GRID2: variants seen among roughly 807,000 people sequenced by gnomAD.
GRID2 encodes the protein glutamate ionotropic receptor delta type subunit 2.
Under a neutral mutation model 114.8 loss-of-function variants are expected in GRID2, and 33 were observed. That is an observed-to-expected ratio of 0.29 (90% CI 0.22 to 0.38). The LOEUF (loss-of-function observed/expected upper bound fraction) is 0.38, where lower values mean the gene tolerates loss of function less well. Ranked by LOEUF, GRID2 falls within the 10% of genes least tolerant of loss-of-function variation. The pLI, the probability that GRID2 is intolerant of heterozygous loss-of-function variation, is 1.00. For synonymous variants in GRID2, 505 were observed against 449.9 expected (o/e 1.12, Z -1.55); for missense variants, 1,184 against 1,257.7 (o/e 0.94, Z 0.89).
At position 92,601,946 on chromosome 4, in the gene GRID2, C is replaced by T. The variant is rs569330053; in HGVS notation, c.244+11660C>T. 4.0e-5 allele frequency among the ~76,000 whole-genome samples: 6 copies of T among 151,706 alleles called. No individual in the cohort carries two copies. In the South Asian group the frequency reaches 8.3e-4, roughly 21 times the overall value. ...ATAAATTCCTGGACACATACCCCCT[C>T]GCAAGACTGAACCAGGAAGAAGTTG... On this transcript the variant is annotated intron_variant, in intron 2 of 15. Coordinates refer to ENST00000282020, the MANE Select transcript of GRID2 (RefSeq NM_001510.4).
chr4:93,750,523 A>G (rs950183977), intron 14 of GRID2, among the ~76,000 whole-genome samples: 4 of 152,148 alleles, frequency 2.6e-5, no homozygotes, highest in East Asian at 1.9e-4. Context: ...TAATCCCAGC[A>G]CTTTGGGAGG....
chr4:93,455,918 C>G lies in GRID2; in HGVS notation c.1802C>G (p.Thr601Arg), dbSNP rs754149861. The G allele has an allele frequency of 1.2e-6, 2 of 1,611,060 alleles. No individual in the cohort carries two copies. Among genetic ancestry groups the G allele is most frequent in the Non-Finnish European group, 1.7e-6 (2 of 1,177,340 alleles). Residue 601 changes from threonine (T) to arginine (R), a missense_variant, in exon 11 of 16, where the codon ACG becomes AGG. Transcript: ENST00000282020. ...CCACGATTACAAATGGGATCAATGA[C>G]GTCTACTACTCTCTACAACTCCATG... ...NPPRLQMGSM[T>R]STTLYNSMWF...
chr4:92,632,000 G>A (rs1435220115), intron 2 of GRID2, among the ~76,000 whole-genome samples: 1 of 152,064 alleles, frequency 6.6e-6, no homozygotes, highest in African/African-American at 2.4e-5. Context: ...AAGGCTGAAA[G>A]GTTCTCAGTT....
intron 2 of GRID2, among the ~76,000 whole-genome samples, chr4:92,821,713 A>G (rs920026195): frequency 3.3e-5 from 5 of 152,126 alleles, no homozygotes; most frequent in African/African-American, 1.2e-4. Flanking sequence ...CATAAAAGCT[A>G]TTTTAAGTAA....
intron 2 of GRID2, among the ~76,000 whole-genome samples, chr4:92,950,722 A>AT (rs1290464477): frequency 3.9e-5 from 6 of 152,170 alleles, no homozygotes; most frequent in Non-Finnish European, 7.4e-5. Context: ...TTTACTTTCC[A>AT]TTATTTATAT....
chr4:93,028,300 C>G (rs778054798), intron 2 of GRID2, among the ~76,000 whole-genome samples: 1 of 152,016 alleles, frequency 6.6e-6, no homozygotes, highest in Non-Finnish European at 1.5e-5. Flanking sequence ...AGAACAGTAA[C>G]TTGAATGAAT....
At chr4:93,149,801 T>C (rs1736580613) in intron 4 of GRID2, among the ~76,000 whole-genome samples, 1 of 151,858 alleles carries the variant, frequency 6.6e-6, no homozygotes, top group African/African-American at 2.4e-5. Flanking sequence ...ACCTGGCTAA[T>C]TTTTTAATTT....
intron 7 of GRID2, among the ~76,000 whole-genome samples, chr4:93,237,699 C>T (rs937678145): frequency 5.9e-5 from 9 of 151,740 alleles, no homozygotes; most frequent in Non-Finnish European, 1.2e-4. Context: ...AGAAGTATGA[C>T]CTACATTGCC....
At chr4:93,516,828 TA>T (rs35336425) in intron 13 of GRID2, among the ~76,000 whole-genome samples, 1 of 152,136 alleles carries the variant, frequency 6.6e-6, no homozygotes, top group Non-Finnish European at 1.5e-5. Context: ...TATCATCTGT[TA>T]AAAATGAATT....
At chr4:92,913,764 A>G (rs1332330950) in intron 2 of GRID2, among the ~76,000 whole-genome samples, 1 of 151,906 alleles carries the variant, frequency 6.6e-6, no homozygotes, top group African/African-American at 2.4e-5. Context: ...AAAGAAGTAT[A>G]AAACGAAGAA....
chr4:93,304,962 G>A (rs757881478), intron 8 of GRID2, among the ~76,000 whole-genome samples: 21 of 152,248 alleles, frequency 1.4e-4, no homozygotes, highest in African/African-American at 4.1e-4. Flanking sequence ...AGATTTCTTT[G>A]TTGTTCTGCT....
At chr4:93,635,931 ACT>A (rs1211251032) in intron 14 of GRID2, among the ~76,000 whole-genome samples, 8 of 152,088 alleles carry the variant, frequency 5.3e-5, no homozygotes, top group Non-Finnish European at 1.2e-4. Flanking sequence ...ATAAACCTTT[ACT>A]CTCAAGAAGC....
intron 1 of GRID2, among the ~76,000 whole-genome samples, chr4:93,782,232 T>C (rs1239111684): frequency 6.6e-6 from 1 of 151,952 alleles, no homozygotes; most frequent in Non-Finnish European, 1.5e-5. Context: ...TGATTTAGAC[T>C]CACTAGAACC....
At chr4:92,497,700 C>G (rs1266654401) in intron 1 of GRID2, among the ~76,000 whole-genome samples, 3 of 151,956 alleles carry the variant, frequency 2.0e-5, no homozygotes, top group Non-Finnish European at 4.4e-5. Context: ...TGCAGATCAT[C>G]ACTAATTATT....
At chr4:93,663,363 C>A (rs1723668467) in intron 14 of GRID2, among the ~76,000 whole-genome samples, 1 of 152,118 alleles carries the variant, frequency 6.6e-6, no homozygotes, top group Non-Finnish European at 1.5e-5. Flanking sequence ...CCCCCAAAAC[C>A]ATTTGAGAGT....
At chr4:93,052,255 C>T (rs1436579750) in intron 2 of GRID2, among the ~76,000 whole-genome samples, 2 of 151,932 alleles carry the variant, frequency 1.3e-5, no homozygotes, top group African/African-American at 4.8e-5. Context: ...AAGTACACTT[C>T]TACTGTATTC....
intron 2 of GRID2, among the ~76,000 whole-genome samples, chr4:92,795,606 G>T (rs942471948): frequency 6.6e-6 from 1 of 151,952 alleles, no homozygotes; most frequent in Non-Finnish European, 1.5e-5. Context: ...CTCTAAAAAT[G>T]TGTCTATACC....
intron 8 of GRID2, among the ~76,000 whole-genome samples, chr4:93,281,193 G>A (rs1020110376): frequency 2.6e-5 from 4 of 151,836 alleles, no homozygotes; most frequent in Non-Finnish European, 5.9e-5. Flanking sequence ...GAAGGCCTCA[G>A]AGAAAATATA....
At chr4:92,357,481 T>A (rs1560584606) in intron 1 of GRID2, among the ~76,000 whole-genome samples, 1 of 151,880 alleles carries the variant, frequency 6.6e-6, no homozygotes, top group Non-Finnish European at 1.5e-5. Flanking sequence ...GTACTTTCAC[T>A]CTGTTGGTAA....
Sources: gnomAD v4.1 joint callset for allele counts (sites outside exome capture counted in the v4.1 genomes callset) on GRCh38, gnomAD v4.1.1 for gene constraint, MANE v1.5 for transcripts, NCBI Gene and HGNC (gene_info 2026-07-23, HGNC 2026-07-21) for gene names.